The following PRKN variants were observed in gnomAD, a reference collection of about 807,000 sequenced individuals.
PRKN encodes the protein E3 ubiquitin-protein ligase parkin.
In PRKN, 56 loss-of-function variants were observed where a neutral mutation model predicts 59.5. That is an observed-to-expected ratio of 0.94 (90% CI 0.76 to 1.18). The LOEUF is 1.18. Among genes scored for constraint, PRKN ranks in the 50% most tolerant of loss-of-function variants. PRKN has a pLI of 0.00. For missense variants in PRKN, 657 were observed against 596.4 expected, an observed-to-expected ratio of 1.10 and a Z score of -1.06; for synonymous variants, 250 against 222.1, an observed-to-expected ratio of 1.13 and a Z score of -1.12.
chr6:162,458,153 G>A, intron 1 of PRKN, among the ~76,000 whole-genome samples: 1 of 127,218 alleles, frequency 7.9e-6, no homozygotes, highest in East Asian at 1.9e-4. Context: ...TACTTAGGAG[G>A]CTGAGACAGG....
At chr6:162,685,026 A>G (rs778583770) in intron 1 of PRKN, among the ~76,000 whole-genome samples, 41 of 152,214 alleles carry the variant, frequency 2.7e-4, no homozygotes, top group Non-Finnish European at 4.9e-4. Flanking sequence ...CTACTGTATT[A>G]AGTCTGCAGC....
At chr6:161,474,753 C>T (rs1206918451) in intron 9 of PRKN, among the ~76,000 whole-genome samples, 1 of 151,216 alleles carries the variant, frequency 6.6e-6, no homozygotes, top group Non-Finnish European at 1.5e-5. Flanking sequence ...CGCCATCATG[C>T]CTGGCTAACT....
At chr6:162,627,672 C>T (rs576385839) in intron 1 of PRKN, among the ~76,000 whole-genome samples, 96 of 152,138 alleles carry the variant, frequency 6.3e-4, no homozygotes, top group Non-Finnish European at 1.2e-3. Flanking sequence ...TATCACCATA[C>T]ACAATGGTGT....
intron 5 of PRKN, among the ~76,000 whole-genome samples, chr6:162,005,379 C>T (rs537282934): frequency 6.6e-6 from 1 of 152,232 alleles, no homozygotes; most frequent in African/African-American, 2.4e-5. Flanking sequence ...ATAATATATG[C>T]TACATGGTAA....
intron 4 of PRKN, among the ~76,000 whole-genome samples, chr6:162,134,681 G>A (rs1424527018): frequency 6.6e-6 from 1 of 152,188 alleles, no homozygotes; most frequent in African/African-American, 2.4e-5. Context: ...TAGAGTGAAA[G>A]CTACTCTGAG....
At chr6:162,201,453 T>C (rs1336802740) in intron 3 of PRKN, among the ~76,000 whole-genome samples, 2 of 152,176 alleles carry the variant, frequency 1.3e-5, no homozygotes, top group East Asian at 3.9e-4. Flanking sequence ...GTGAAATCTT[T>C]TCTCTCTCTT....
chr6:161,957,419 T>G (rs938889556), intron 6 of PRKN, among the ~76,000 whole-genome samples: 2 of 136,706 alleles, frequency 1.5e-5, no homozygotes, highest in African/African-American at 6.1e-5. Context: ...GTTTTTTTTT[T>G]GTTTGTTTGT....
At chr6:161,697,571 T>C (rs1786074718) in intron 7 of PRKN, among the ~76,000 whole-genome samples, 1 of 152,124 alleles carries the variant, frequency 6.6e-6, no homozygotes, top group Admixed American at 6.5e-5. Context: ...GTTAATTTGC[T>C]CCTCTGAACT....
At chr6:162,443,076 TTC>T (rs762913591) in intron 2 of PRKN, among the ~76,000 whole-genome samples, 17 of 150,922 alleles carry the variant, frequency 1.1e-4, no homozygotes, top group Non-Finnish European at 1.2e-4. Context: ...AGCTCGTGTG[TTC>T]TTTCTCTCTC....
At chr6:161,705,291 T>C (rs1786438534) in intron 7 of PRKN, among the ~76,000 whole-genome samples, 1 of 152,214 alleles carries the variant, frequency 6.6e-6, no homozygotes, top group Non-Finnish European at 1.5e-5. Context: ...TTAAATGTGC[T>C]CAGAACACTT....
In PRKN at chr6:161,483,639, C is replaced by T. The variant is rs915531656; in HGVS notation, c.1083+65215G>A. 3.3e-5 allele frequency among the ~76,000 whole-genome samples: 5 copies of T among 152,168 alleles called. No homozygotes were observed. Among genetic ancestry groups the T allele is most frequent in the African/African-American group, 1.2e-4 (5 of 41,434 alleles). ...CATCTACATTAATGCCCCTCATCCC[C>T]AATAGAGAGCACATTGGTAGCTCAA... On this transcript the variant is annotated intron_variant, in intron 9 of 11. Transcript: ENST00000366898. The surrounding 1 kb of genome is among the most constrained non-coding windows in gnomAD (Gnocchi z 5.0).
intron 1 of PRKN, among the ~76,000 whole-genome samples, chr6:162,563,232 A>G (rs1018428830): frequency 1.3e-5 from 2 of 151,956 alleles, no homozygotes; most frequent in Non-Finnish European, 2.9e-5. Flanking sequence ...TGAACCCAGG[A>G]GGCGGAGCTT....
Position 161,353,955 on chromosome 6 carries a change from G to A in PRKN, c.1286-3744C>T, listed in dbSNP as rs757546022. 2.0e-5 allele frequency among the ~76,000 whole-genome samples: 3 copies of A among 152,332 alleles called. No homozygotes were observed. Among genetic ancestry groups the A allele is most frequent in the Middle Eastern group, 3.4e-3 (1 of 294 alleles). ...TTCCGTCACAGAAGTCTTCTGTGCT[G>A]ACTGTTGTTATTGAATGAGAGAATA... is the stretch of plus-strand genomic sequence containing the variant. On this transcript the variant is annotated intron_variant, in intron 11 of 11. Coordinates refer to ENST00000366898, the MANE Select transcript of PRKN (RefSeq NM_004562.3). This position sits in a 1 kb window ranked among gnomAD's most constrained non-coding sequence, Gnocchi z 4.8.
At chr6:161,871,525 AGT>A (rs1794341653) in intron 6 of PRKN, among the ~76,000 whole-genome samples, 1 of 152,180 alleles carries the variant, frequency 6.6e-6, no homozygotes, top group African/African-American at 2.4e-5. Context: ...TATAATAAAA[AGT>A]GTTATATTTT....
At chr6:162,023,568 C>T (rs949397204) in intron 5 of PRKN, among the ~76,000 whole-genome samples, 9 of 152,178 alleles carry the variant, frequency 5.9e-5, no homozygotes, top group Non-Finnish European at 1.0e-4. Flanking sequence ...CTCCTCTCCT[C>T]GCCCTCTCCA....
intron 9 of PRKN, among the ~76,000 whole-genome samples, chr6:161,532,094 A>C (rs2115386413): frequency 6.6e-6 from 1 of 151,604 alleles, no homozygotes; most frequent in Admixed American, 6.6e-5. Flanking sequence ...CACTATGATT[A>C]GTTCTATTAA....
chr6:162,219,536 A>T (rs1267046280), intron 3 of PRKN, among the ~76,000 whole-genome samples: 1 of 152,060 alleles, frequency 6.6e-6, no homozygotes, highest in African/African-American at 2.4e-5. Context: ...AGGCAACACT[A>T]CGTAGAAAAT....
rs1554243444 is a variant in PRKN, at chr6:162,556,366, T to TGTGTGTGTGTGC, written c.8-112894_8-112893insGCACACACACAC. Among the ~76,000 whole-genome samples the TGTGTGTGTGTGC allele has an allele frequency of 2.2e-3, 212 of 98,356 alleles. 4 individuals carry two copies. The highest frequency in any genetic ancestry group is 0.014 in the East Asian group (20 of 1,394). The allele number at this position is 98,356 out of a possible 152,430, so 64.5% of individuals were successfully genotyped here. ...TGGTGTGTGTGTGTGTGTGTGTGTGTGTGTGTGTGTGTGTGTGTGTGTGTG... is the reference window on the plus strand; with the variant it reads ...TGGTGTGTGTGTGTGTGTGTGTGTGTGTGTGTGTGTGCGTGTGTGTGTGTGTGTGTGTGTGTG... On this transcript the variant is annotated intron_variant, in intron 1 of 11. Coordinates refer to ENST00000366898, the MANE Select transcript of PRKN (RefSeq NM_004562.3).
intron 3 of PRKN, among the ~76,000 whole-genome samples, chr6:162,220,813 A>G (rs879270309): frequency 1.3e-5 from 2 of 152,026 alleles, no homozygotes; most frequent in Non-Finnish European, 2.9e-5. Context: ...TGAAATTTGG[A>G]GTCATGGATT....
Sources: gnomAD v4.1 joint callset for allele counts (sites outside exome capture counted in the v4.1 genomes callset) on GRCh38, gnomAD v4.1.1 for gene constraint, Gnocchi (gnomAD v3.1) non-coding constraint, MANE v1.5 for transcripts, NCBI Gene and HGNC (gene_info 2026-07-23, HGNC 2026-07-21) for gene names.